KLRD1: variants seen among roughly 807,000 people sequenced by gnomAD.
KLRD1 encodes natural killer cells antigen CD94.
KLRD1 carries 21 observed loss-of-function variants against 22.6 expected under a neutral mutation model. The observed-to-expected ratio is 0.93, with a 90% CI of 0.66 to 1.34. The LOEUF (loss-of-function observed/expected upper bound fraction) is 1.34. KLRD1 is among the 40% of genes most tolerant of loss of function. The pLI, the probability that KLRD1 is intolerant of heterozygous loss-of-function variation, is 0.00. For synonymous variants in KLRD1, 59 were observed against 71.1 expected, an observed-to-expected ratio of 0.83 and a Z score of 0.85; for missense variants, 183 against 208.6, an observed-to-expected ratio of 0.88 and a Z score of 0.76.
intron 1 of KLRD1, among the ~76,000 whole-genome samples, chr12:10,284,543 C>A (rs2137658312): frequency 6.6e-6 from 1 of 152,280 alleles, no homozygotes; most frequent in Middle Eastern, 3.4e-3. Flanking sequence ...ATACATTTTG[C>A]TGTGGAAATA....
intron 1 of KLRD1, among the ~76,000 whole-genome samples, chr12:10,278,123 G>A (rs1413929479): frequency 6.6e-6 from 1 of 152,184 alleles, no homozygotes; most frequent in Non-Finnish European, 1.5e-5. Flanking sequence ...TTCTGGAGGA[G>A]GAGACCACAT....
At chr12:10,260,694 A>C (rs1949444870) in intron 1 of KLRD1, among the ~76,000 whole-genome samples, 1 of 152,106 alleles carries the variant, frequency 6.6e-6, no homozygotes, top group Non-Finnish European at 1.5e-5. Context: ...TAATCCGAGC[A>C]CTTTGGGAGG....
chr12:10,254,313 A>T (rs1236972028), intron 1 of KLRD1, among the ~76,000 whole-genome samples: 1 of 150,730 alleles, frequency 6.6e-6, no homozygotes. Flanking sequence ...CTGTAGTCCC[A>T]GCTACTCTGG....
chr12:10,253,535 C>T (rs183078614), intron 1 of KLRD1, among the ~76,000 whole-genome samples: 47 of 150,086 alleles, frequency 3.1e-4, no homozygotes, highest in Middle Eastern at 3.4e-3. Context: ...ACCCAGTACC[C>T]AATAGATACC....
Position 10,307,966 on chromosome 12 carries a change from C to A in KLRD1, c.-112C>A. The stretch of plus-strand genomic sequence containing the variant: ...TCTATTTTTGCTAAATTTCTTCATA[C>A]TCAACTTTCAGATTCTTTAATCTCC... On this transcript the variant is annotated 5_prime_UTR_variant, in exon 1 of 6. Coordinates refer to ENST00000336164, the MANE Select transcript of KLRD1 (RefSeq NM_002262.5). 2.1e-6 allele frequency: 2 copies of A among 966,802 alleles called. No homozygotes were observed. Among genetic ancestry groups the A allele is most frequent in the Non-Finnish European group, 3.3e-6 (2 of 613,878 alleles). 59.9% of individuals were successfully genotyped at this position (966,802 alleles called of 1,614,324 possible).
At chr12:10,250,792 A>G (rs746095688) in intron 1 of KLRD1, among the ~76,000 whole-genome samples, 2 of 152,156 alleles carry the variant, frequency 1.3e-5, no homozygotes, top group Non-Finnish European at 2.9e-5. Context: ...TCAAAGTCAC[A>G]TAATACTTTA....
chr12:10,297,313 G>A (rs922795677), intron 1 of KLRD1, among the ~76,000 whole-genome samples: 46 of 152,038 alleles, frequency 3.0e-4, no homozygotes, highest in Admixed American at 1.8e-3. Flanking sequence ...TTAGGAAAGC[G>A]CCAAGTCTGT....
chr12:10,257,482 CT>C (rs56871156), intron 1 of KLRD1, among the ~76,000 whole-genome samples: 3,472 of 97,204 alleles, frequency 0.036, 122 homozygotes, highest in African/African-American at 0.13. Flanking sequence ...GTAGCTGATT[CT>C]TTTTTTTTTT....
intron 1 of KLRD1, among the ~76,000 whole-genome samples, chr12:10,273,229 A>G (rs890895232): frequency 6.6e-5 from 10 of 152,300 alleles, no homozygotes; most frequent in Middle Eastern, 3.4e-3. Context: ...ATAGCTTTTC[A>G]GGTATTTATG....
At chr12:10,309,922 GAT>G (rs1289756926) in intron 3 of KLRD1, among the ~76,000 whole-genome samples, 13 of 152,142 alleles carry the variant, frequency 8.5e-5, no homozygotes, top group Non-Finnish European at 8.8e-5. Flanking sequence ...TGAAACGAAA[GAT>G]ATGTTTCCTA....
In KLRD1 at chr12:10,313,499, A is replaced by C. The variant is rs755106932; in HGVS notation, c.405A>C (p.Ala135=). The change falls in exon 5 of 6, where the codon GCA becomes GCC. Residue 135 remains alanine (A), a synonymous_variant. Transcript: ENST00000336164. ...CCTGGTTGTGGGAGAATGGCTCTGC[A>C]CTCTCCCAGTATCTGTAAGTTTCTG... The part of the protein sequence containing the change: ...HTAWLWENGS[A]LSQYLFPSFE... 12 of 1,588,696 alleles carry C rather than the reference A, an allele frequency of 7.6e-6. No homozygotes were observed. The Admixed American group carries it at 1.7e-4, about 23-fold the overall frequency.
At chr12:10,282,940 G>T (rs1220722333) in intron 1 of KLRD1, among the ~76,000 whole-genome samples, 1 of 152,190 alleles carries the variant, frequency 6.6e-6, no homozygotes, top group Non-Finnish European at 1.5e-5. Context: ...TAAAGACAGA[G>T]AAATTGTCAG....
intron 1 of KLRD1, among the ~76,000 whole-genome samples, chr12:10,295,101 T>A (rs1206546430): frequency 6.6e-6 from 1 of 152,216 alleles, no homozygotes; most frequent in Non-Finnish European, 1.5e-5. Flanking sequence ...GCTTTTAGTA[T>A]TTGTCAATAT....
intron 1 of KLRD1, among the ~76,000 whole-genome samples, chr12:10,297,142 T>C (rs964762334): frequency 6.6e-6 from 1 of 152,220 alleles, no homozygotes; most frequent in Non-Finnish European, 1.5e-5. Flanking sequence ...GCTCAAAGGA[T>C]GAAAGTGTAC....
At chr12:10,312,319 T>C (rs1385043167) in intron 4 of KLRD1, among the ~76,000 whole-genome samples, 1 of 152,130 alleles carries the variant, frequency 6.6e-6, no homozygotes, top group African/African-American at 2.4e-5. Flanking sequence ...CCCAAAGTGC[T>C]AGGATTACAG....
intron 1 of KLRD1, among the ~76,000 whole-genome samples, chr12:10,240,191 G>C (rs965474776): frequency 6.6e-6 from 1 of 151,682 alleles, no homozygotes; most frequent in Admixed American, 6.6e-5. Context: ...CCCCCAAGTC[G>C]CTGGGACCAC....
At chr12:10,291,220 CT>C (rs1224690423) in intron 1 of KLRD1, among the ~76,000 whole-genome samples, 1 of 152,198 alleles carries the variant, frequency 6.6e-6, no homozygotes, top group Admixed American at 6.5e-5. Flanking sequence ...TCTGGTGGAT[CT>C]TGCCTCATTG....
upstream of KLRD1, among the ~76,000 whole-genome samples, chr12:10,299,641 A>T (rs565805415): frequency 6.6e-6 from 1 of 152,294 alleles, no homozygotes; most frequent in African/African-American, 2.4e-5. Context: ...TCTTGTCTTA[A>T]TGTTGATGGC....
chr12:10,294,066 A>C (rs1217528416), intron 1 of KLRD1, among the ~76,000 whole-genome samples: 3 of 152,196 alleles, frequency 2.0e-5, no homozygotes, highest in African/African-American at 7.2e-5. Flanking sequence ...CAAAGATGGT[A>C]AATTCAGAGA....
Sources: gnomAD v4.1 joint callset for allele counts (sites outside exome capture counted in the v4.1 genomes callset) on GRCh38, gnomAD v4.1.1 for gene constraint, MANE v1.5 for transcripts, NCBI Gene and HGNC (gene_info 2026-07-23, HGNC 2026-07-21) for gene names.